ADAM18: variants seen among roughly 807,000 people sequenced by gnomAD.
ADAM18 encodes ADAM metallopeptidase domain 18.
In ADAM18, 117 loss-of-function variants were observed where a neutral mutation model predicts 94.4. That is an observed-to-expected ratio of 1.24 (90% CI 1.07 to 1.45). The LOEUF (loss-of-function observed/expected upper bound fraction) is 1.45, where lower values mean the gene tolerates loss of function less well. ADAM18 is among the 40% of genes most tolerant of loss of function. ADAM18 has a pLI of 0.00. For synonymous variants in ADAM18, 327 were observed against 291.6 expected, an observed-to-expected ratio of 1.12 and a Z score of -1.24; for missense variants, 936 against 880.0, an observed-to-expected ratio of 1.06 and a Z score of -0.81.
At chr8:39,605,677 T>TA in intron 2 of ADAM18, 1 of 223,748 alleles carries the variant, frequency 4.5e-6, no homozygotes, top group Non-Finnish European at 9.1e-6. Context: ...ATATATATAT[T>TA]TTTTTAAAAA....
At chr8:39,639,201 A>G (rs1026955876) in intron 10 of ADAM18, among the ~76,000 whole-genome samples, 11 of 151,982 alleles carry the variant, frequency 7.2e-5, no homozygotes, top group Non-Finnish European at 4.4e-5. Context: ...AGGTATAAAC[A>G]CCACAAAGAT....
At chr8:39,727,669 A>G (rs1171828890) in intron 19 of ADAM18, among the ~76,000 whole-genome samples, 1 of 152,140 alleles carries the variant, frequency 6.6e-6, no homozygotes, top group Non-Finnish European at 1.5e-5. Context: ...TTAACTATCC[A>G]TATCACTGTC....
intron 12 of ADAM18, among the ~76,000 whole-genome samples, chr8:39,653,379 T>A (rs989855717): frequency 6.6e-6 from 1 of 152,038 alleles, no homozygotes; most frequent in African/African-American, 2.4e-5. Context: ...TATTAAAAAA[T>A]GGTAAGATGA....
intron 19 of ADAM18, 104 bp downstream of exon 19, chr8:39,724,011 AT>A: frequency 4.0e-6 from 3 of 745,242 alleles, no homozygotes; most frequent in Non-Finnish European, 5.7e-6. Flanking sequence ...TAAATATACT[AT>A]TTTAAATCTA....
intron 11 of ADAM18, among the ~76,000 whole-genome samples, chr8:39,647,892 A>C (rs962762493): frequency 2.6e-5 from 4 of 152,220 alleles, no homozygotes; most frequent in African/African-American, 9.6e-5. Context: ...ACAACATCTC[A>C]GCAAAGCAAT....
chr8:39,623,697 C>T (rs1033515278), intron 6 of ADAM18, among the ~76,000 whole-genome samples: 4 of 151,846 alleles, frequency 2.6e-5, no homozygotes, highest in Non-Finnish European at 4.4e-5. Flanking sequence ...CCCGGGTTCA[C>T]GCCACTCCCT....
At chr8:39,677,337 G>T in intron 14 of ADAM18, 94 bp from the exon 15 acceptor site, 1 of 980,190 alleles carries the variant, frequency 1.0e-6, no homozygotes, top group South Asian at 1.6e-5. Flanking sequence ...ACAAGTACAT[G>T]ATCTTTTTGA....
At chr8:39,620,357 C>CAAAAAAAAA (rs61555393) in intron 6 of ADAM18, among the ~76,000 whole-genome samples, 146 of 90,488 alleles carry the variant, frequency 1.6e-3, no homozygotes, top group African/African-American at 2.7e-3. Context: ...GCAACAAAAG[C>CAAAAAAAAA]AAAAAAAAAA....
At chr8:39,704,487 C>T (rs924465284) in intron 17 of ADAM18, among the ~76,000 whole-genome samples, 9 of 152,160 alleles carry the variant, frequency 5.9e-5, no homozygotes, top group African/African-American at 2.2e-4. Flanking sequence ...GCAGAAAAGG[C>T]TTTTGATAAA....
intron 19 of ADAM18, among the ~76,000 whole-genome samples, chr8:39,725,327 G>A (rs1822873191): frequency 6.6e-6 from 1 of 151,772 alleles, no homozygotes; most frequent in Non-Finnish European, 1.5e-5. Context: ...TTATATTATT[G>A]TTGTTGCTTT....
At chr8:39,631,724 T>G (rs1355005711) in intron 7 of ADAM18, among the ~76,000 whole-genome samples, 1 of 152,058 alleles carries the variant, frequency 6.6e-6, no homozygotes, top group East Asian at 1.9e-4. Flanking sequence ...ATTTTGATTT[T>G]GGAATTACAT....
intron 2 of ADAM18, among the ~76,000 whole-genome samples, chr8:39,600,754 T>G (rs886896877): frequency 6.6e-6 from 1 of 152,154 alleles, no homozygotes; most frequent in African/African-American, 2.4e-5. Context: ...AAGCTTATGG[T>G]GGGACATGCA....
At chr8:39,597,265 A>C (rs1818770353) in intron 2 of ADAM18, among the ~76,000 whole-genome samples, 1 of 152,110 alleles carries the variant, frequency 6.6e-6, no homozygotes, top group East Asian at 1.9e-4. Flanking sequence ...ACAGAGAAGA[A>C]ATTTTCAGTT....
At chr8:39,674,992 A>G (rs1285318211) in intron 14 of ADAM18, among the ~76,000 whole-genome samples, 1 of 152,170 alleles carries the variant, frequency 6.6e-6, no homozygotes, top group East Asian at 1.9e-4. Flanking sequence ...CGAGAGATCC[A>G]CTGTTAGTCT....
At chr8:39,719,622 C>G (rs1328420005) in intron 18 of ADAM18, among the ~76,000 whole-genome samples, 1 of 150,956 alleles carries the variant, frequency 6.6e-6, no homozygotes, top group Admixed American at 6.6e-5. Flanking sequence ...TTTAAAAAAC[C>G]AACTCTATAA....
At chr8:39,650,965 C>G (rs138460748) in intron 12 of ADAM18, among the ~76,000 whole-genome samples, 1 of 115,842 alleles carries the variant, frequency 8.6e-6, no homozygotes. Flanking sequence ...TGAGTTCCCT[C>G]AGTATTTATT....
At chr8:39,672,010 T>A (rs1033572697) in intron 14 of ADAM18, among the ~76,000 whole-genome samples, 1 of 152,064 alleles carries the variant, frequency 6.6e-6, no homozygotes, top group Non-Finnish European at 1.5e-5. Flanking sequence ...TTTAACATAC[T>A]GGCATGGATC....
Position 39,585,304 on chromosome 8 carries a change from A to C in ADAM18, c.84A>C (p.Thr28=). The stretch of plus-strand genomic sequence containing the variant: ...CTGAAGGAATATTTCTGCATGTCAC[A>C]GTTCCACGGAAGATTAAGTCAAATG... ...EGSEGIFLHV[T]VPRKIKSNDS... Residue 28 remains threonine (T), a synonymous_variant, in exon 2 of 20, where the codon ACA becomes ACC. Coordinates refer to ENST00000265707, the MANE Select transcript of ADAM18 (RefSeq NM_014237.3). The C allele has an allele frequency of 6.2e-7, 1 of 1,613,498 alleles. No individual in the cohort carries two copies. The highest frequency in any genetic ancestry group is 2.2e-5 in the East Asian group (1 of 44,868).
intron 6 of ADAM18, chr8:39,611,041 A>G: frequency 9.5e-7 from 1 of 1,057,328 alleles, no homozygotes; most frequent in Non-Finnish European, 1.1e-6. Context: ...TATATATCTT[A>G]CATACTACCT....
Sources: allele counts gnomAD v4.1 joint callset (sites outside exome capture counted in the v4.1 genomes callset), GRCh38; gene constraint gnomAD v4.1.1; transcripts MANE v1.5; gene names NCBI Gene and HGNC (gene_info 2026-07-23, HGNC 2026-07-21).